The following SCYL2 variants were observed in gnomAD, a reference collection of about 807,000 sequenced individuals.
The protein encoded by SCYL2 is SCY1-like protein 2.
SCYL2 carries 36 observed loss-of-function variants against 100.4 expected under a neutral mutation model. The observed-to-expected ratio is 0.36, with a 90% CI of 0.27 to 0.47. The LOEUF is 0.47. Ranked by LOEUF, SCYL2 falls within the 20% of genes least tolerant of loss-of-function variation. SCYL2 has a pLI of 1.00. For missense variants in SCYL2, 902 were observed against 1,083.9 expected (o/e 0.83, Z 2.36); for synonymous variants, 330 against 359.2 (o/e 0.92, Z 0.92).
At chr12:100,323,028 A>G (rs943594171) in intron 10 of SCYL2, among the ~76,000 whole-genome samples, 6 of 150,572 alleles carry the variant, frequency 4.0e-5, no homozygotes, top group Admixed American at 1.3e-4. Flanking sequence ...GTCCTGTCTC[A>G]AGAAAAAAAA....
chr12:100,296,657 A>C (rs1282271123), intron 3 of SCYL2: 1 of 152,168 alleles, frequency 6.6e-6, no homozygotes, highest in Non-Finnish European at 1.5e-5. Context: ...ACATTCAGTA[A>C]TTTTAGTAGG....
At chr12:100,294,260 C>G (rs2096314558) in intron 3 of SCYL2, among the ~76,000 whole-genome samples, 1 of 132,638 alleles carries the variant, frequency 7.5e-6, no homozygotes. Context: ...GGGGGGCTGA[C>G]CCCCCAACCT....
intron 3 of SCYL2, among the ~76,000 whole-genome samples, chr12:100,295,047 C>G (rs541062080): frequency 0.041 from 6,217 of 150,658 alleles, 456 homozygotes; most frequent in African/African-American, 0.14. Context: ...AGGCGCTCCT[C>G]ACATCCCAGA....
chr12:100,308,397 A>G (rs1485235440), intron 4 of SCYL2, among the ~76,000 whole-genome samples: 3 of 152,132 alleles, frequency 2.0e-5, no homozygotes, highest in Non-Finnish European at 4.4e-5. Flanking sequence ...ACAGAAAACC[A>G]AACACCGCAT....
intron 10 of SCYL2, among the ~76,000 whole-genome samples, chr12:100,320,835 A>G (rs972086711): frequency 6.8e-6 from 1 of 147,498 alleles, no homozygotes; most frequent in African/African-American, 2.4e-5. Flanking sequence ...TTACGGGAAC[A>G]TAGGAACATA....
At chr12:100,278,123 C>T (rs79357664) in intron 1 of SCYL2, among the ~76,000 whole-genome samples, 2,567 of 152,118 alleles carry the variant, frequency 0.017, 73 homozygotes, top group African/African-American at 0.058. Context: ...GGTATTATGA[C>T]GTGAAAAGTA....
At chr12:100,279,312 A>G (rs1282770661) in intron 1 of SCYL2, among the ~76,000 whole-genome samples, 1 of 152,206 alleles carries the variant, frequency 6.6e-6, no homozygotes, top group African/African-American at 2.4e-5. Context: ...TATTGCTGCC[A>G]CCTATCTGAG....
intron 12 of SCYL2, 25 bp from the exon 13 acceptor site, chr12:100,329,176 A>G: frequency 9.3e-7 from 1 of 1,080,742 alleles, no homozygotes; most frequent in Non-Finnish European, 1.4e-6. Context: ...TAACTTATAA[A>G]ATTTGTCACA....
chr12:100,313,296 AGT>A (rs554995043), intron 6 of SCYL2, 124 bp from the exon 7 acceptor site: 1 of 459,872 alleles, frequency 2.2e-6, no homozygotes, highest in Non-Finnish European at 3.8e-6. Context: ...TAGAATTAAC[AGT>A]GTGTTTAAAA....
chr12:100,280,148 A>C (rs10860571), intron 1 of SCYL2, among the ~76,000 whole-genome samples: 40,872 of 152,014 alleles, frequency 0.27, 6,013 homozygotes, highest in African/African-American at 0.36. Flanking sequence ...AAATGTGTTT[A>C]ATACATTTTG....
intron 9 of SCYL2, among the ~76,000 whole-genome samples, chr12:100,317,110 A>C (rs935462393): frequency 2.6e-5 from 4 of 152,138 alleles, no homozygotes; most frequent in Non-Finnish European, 5.9e-5. Context: ...AAAAAAAAAA[A>C]AAAAGAAAAA....
chr12:100,311,902 T>C (rs757868206), intron 5 of SCYL2, among the ~76,000 whole-genome samples: 26 of 152,188 alleles, frequency 1.7e-4, no homozygotes, highest in Non-Finnish European at 2.2e-4. Context: ...ATGTAGTCGT[T>C]AGAGGGCCTG....
intron 13 of SCYL2, 53 bp from the exon 14 acceptor site, chr12:100,334,113 C>A: frequency 9.9e-7 from 1 of 1,013,288 alleles, no homozygotes; most frequent in Non-Finnish European, 1.5e-6. Context: ...TAATTGATTA[C>A]ATTTGCTGCT....
chr12:100,322,237 G>A (rs951261284), intron 10 of SCYL2, among the ~76,000 whole-genome samples: 5 of 149,774 alleles, frequency 3.3e-5, no homozygotes, highest in South Asian at 2.1e-4. Context: ...GCCGGGCGTG[G>A]TGGCGGGCGC....
At position 100,270,695 on chromosome 12, in the gene SCYL2, G is replaced by T. The variant is rs151163659; in HGVS notation, c.-29+2903G>T. ...TCACTATGTTGCCCAGGCTGGTCTC[G>T]AACTCCTGAGCTCAAGTGATCCTCC... On this transcript the variant is annotated intron_variant, in intron 1 of 17. Coordinates refer to ENST00000360820, the MANE Select transcript of SCYL2 (RefSeq NM_017988.6). Among the ~76,000 whole-genome samples the T allele has an allele frequency of 4.9e-3, 727 of 147,790 alleles. 7 individuals carry two copies. Among genetic ancestry groups the T allele is most frequent in the Middle Eastern group, 0.022 (6 of 276 alleles).
chr12:100,277,759 G>C (rs1367279225), intron 1 of SCYL2, among the ~76,000 whole-genome samples: 3 of 151,862 alleles, frequency 2.0e-5, no homozygotes, highest in Non-Finnish European at 4.4e-5. Flanking sequence ...TTTTGTATTT[G>C]CCACATTTGT....
At chr12:100,322,246 G>A (rs1278822819) in intron 10 of SCYL2, among the ~76,000 whole-genome samples, 1 of 148,980 alleles carries the variant, frequency 6.7e-6, no homozygotes, top group Non-Finnish European at 1.5e-5. Flanking sequence ...GGTGGCGGGC[G>A]CCTGTAGTCC....
chr12:100,310,145 C>T (rs754875729), intron 4 of SCYL2, among the ~76,000 whole-genome samples: 10 of 152,146 alleles, frequency 6.6e-5, no homozygotes, highest in Non-Finnish European at 1.2e-4. Context: ...TCTAGAGGCA[C>T]GCGCCACCAT....
rs940929224 is a variant in SCYL2, at chr12:100,338,514, C to G, written c.2146-14C>G. On this transcript the variant is annotated splice_polypyrimidine_tract_variant and intron_variant, in intron 17 of 17. Coordinates refer to ENST00000360820, the MANE Select transcript of SCYL2 (RefSeq NM_017988.6). ...TATTTCTTAGAGATAAAGTAATTCT[C>G]TCATATTTTTCAGACTAAGGACTTG... The G allele has an allele frequency of 6.5e-7, 1 of 1,545,090 alleles. No homozygotes were observed. Among genetic ancestry groups the G allele is most frequent in the Non-Finnish European group, 8.7e-7 (1 of 1,142,948 alleles).
Sources: allele counts gnomAD v4.1 joint callset (sites outside exome capture counted in the v4.1 genomes callset), GRCh38; gene constraint gnomAD v4.1.1; transcripts MANE v1.5; gene names NCBI Gene and HGNC (gene_info 2026-07-23, HGNC 2026-07-21).